The following STOX2 variants were observed in gnomAD, a reference collection of about 807,000 sequenced individuals.
STOX2 encodes the protein storkhead-box protein 2.
STOX2 carries 28 observed loss-of-function variants against 60.9 expected under a neutral mutation model. The observed-to-expected ratio is 0.46, with a 90% CI of 0.34 to 0.63. STOX2 has a LOEUF of 0.63. Among genes scored for constraint, STOX2 ranks in the 30% least tolerant of loss-of-function variants. The pLI, the probability that STOX2 is intolerant of heterozygous loss-of-function variation, is 0.01. For missense variants in STOX2, 1,024 were observed against 1,187.7 expected (o/e 0.86, Z 2.03); for synonymous variants, 472 against 463.9 (o/e 1.02, Z -0.22).
At chr4:183,872,491 TA>T (rs893795729) in intron 1 of STOX2, among the ~76,000 whole-genome samples, 10 of 151,670 alleles carry the variant, frequency 6.6e-5, no homozygotes, top group East Asian at 3.9e-4. Context: ...TTTATGTATT[TA>T]AAAAAAAATC....
intron 1 of STOX2, among the ~76,000 whole-genome samples, chr4:183,841,042 A>G (rs1231008137): frequency 6.6e-6 from 1 of 151,940 alleles, no homozygotes; most frequent in African/African-American, 2.4e-5. Flanking sequence ...TAATTTTTGT[A>G]TTTTTAGTAG....
chr4:183,885,798 C>T (rs944465702), intron 1 of STOX2, among the ~76,000 whole-genome samples: 14 of 152,206 alleles, frequency 9.2e-5, no homozygotes, highest in Admixed American at 7.2e-4. Flanking sequence ...GACCAATAGC[C>T]AAATTCCCAA....
At chr4:183,862,902 G>A (rs112603113) in intron 1 of STOX2, among the ~76,000 whole-genome samples, 1 of 152,132 alleles carries the variant, frequency 6.6e-6, no homozygotes, top group African/African-American at 2.4e-5. Flanking sequence ...TACAAGGAAG[G>A]CGTGGTTATT....
chr4:183,828,836 G>T (rs1275065438), intron 1 of STOX2, among the ~76,000 whole-genome samples: 4 of 152,156 alleles, frequency 2.6e-5, no homozygotes, highest in Non-Finnish European at 4.4e-5. Flanking sequence ...GCCTGATGGA[G>T]TTTTTTTCTG....
intron 1 of STOX2, among the ~76,000 whole-genome samples, chr4:183,887,974 G>C (rs916523738): frequency 1.3e-5 from 2 of 152,172 alleles, no homozygotes; most frequent in South Asian, 2.1e-4. Context: ...GGTTGGTCTC[G>C]AGCTCTTAGC....
Position 183,861,838 on chromosome 4 carries a change from C to T in STOX2, c.364+63783C>T, listed in dbSNP as rs185876440. 2.4e-4 allele frequency among the ~76,000 whole-genome samples: 37 copies of T among 152,178 alleles called. No individual in the cohort carries two copies. The East Asian group carries it at 6.9e-3, about 29-fold the overall frequency. On this transcript the variant is annotated intron_variant, in intron 1 of 2. Transcript: ENST00000513034. ...AACTATTTTAGTTTAAATTAGGACCCGGAAGAGCCCAAATATTAATTTACA... is the reference window on the plus strand; with the variant it reads ...AACTATTTTAGTTTAAATTAGGACCTGGAAGAGCCCAAATATTAATTTACA...
chr4:184,011,538 A>C lies in STOX2; in HGVS notation c.2585+115A>C, dbSNP rs1219286696. 4 of 1,555,828 alleles carry C rather than the reference A, an allele frequency of 2.6e-6. No individual in the cohort carries two copies. The highest frequency in any genetic ancestry group is 3.5e-6 in the Non-Finnish European group (4 of 1,151,588). ...CTCAGTTCTATGGATGAGGGTTAAGAGTTGTATGAGTTGTATTGTTAACAA... is the reference window on the plus strand; with the variant it reads ...CTCAGTTCTATGGATGAGGGTTAAGCGTTGTATGAGTTGTATTGTTAACAA... On this transcript the variant is annotated intron_variant, in intron 3 of 3. Coordinates refer to ENST00000308497, the MANE Select transcript of STOX2 (RefSeq NM_020225.3). The surrounding 1 kb of genome is among the most constrained non-coding windows in gnomAD (Gnocchi z 4.4).
chr4:183,806,879 C>T lies in STOX2; in HGVS notation c.364+8824C>T, dbSNP rs1248414521. Among the ~76,000 whole-genome samples, 1 of 152,204 alleles carries T rather than the reference C, an allele frequency of 6.6e-6. No homozygotes were observed. The highest frequency in any genetic ancestry group is 1.9e-4 in the East Asian group (1 of 5,200). ...GCAAGTGGTCTTCAGAGATTCCAGA[C>T]TCCCCCGCATGCACTGCCCCCACGG... On this transcript the variant is annotated intron_variant, in intron 1 of 2. Transcript: ENST00000513034. This position sits in a 1 kb window ranked among gnomAD's most constrained non-coding sequence, Gnocchi z 4.1.
intron 1 of STOX2, among the ~76,000 whole-genome samples, chr4:183,910,848 C>T (rs1462196840): frequency 1.3e-5 from 2 of 152,208 alleles, no homozygotes; most frequent in African/African-American, 4.8e-5. Flanking sequence ...ATGGCCAGCT[C>T]ATCACCTTGA....
chr4:184,004,461 T>A (rs7694352), intron 2 of STOX2, among the ~76,000 whole-genome samples: 117,824 of 151,694 alleles, frequency 0.78, 45,921 homozygotes, highest in Middle Eastern at 0.86. Context: ...TTAGCCGGGC[T>A]TGGTGGCGGG....
chr4:184,008,606 A>G (rs1733984026), intron 2 of STOX2, among the ~76,000 whole-genome samples: 1 of 152,240 alleles, frequency 6.6e-6, no homozygotes, highest in South Asian at 2.1e-4. Context: ...TACATCATAA[A>G]CAGTAGTCAA....
At chr4:184,002,130 T>C (rs970791225) in intron 2 of STOX2, among the ~76,000 whole-genome samples, 1 of 151,962 alleles carries the variant, frequency 6.6e-6, no homozygotes, top group African/African-American at 2.4e-5. Context: ...CCTGCCAGAG[T>C]TGCCAATCTC....
In STOX2 at chr4:184,011,526, A is replaced by G. The variant is rs1194038948; in HGVS notation, c.2585+103A>G. ...TGATTTCGTAGTCTCAGTTCTATGG[A>G]TGAGGGTTAAGAGTTGTATGAGTTG... On this transcript the variant is annotated intron_variant, in intron 3 of 3. Coordinates refer to ENST00000308497, the MANE Select transcript of STOX2 (RefSeq NM_020225.3). This position sits in a 1 kb window ranked among gnomAD's most constrained non-coding sequence, Gnocchi z 4.4. The G allele has an allele frequency of 5.7e-6, 9 of 1,572,612 alleles. No individual in the cohort carries two copies. The East Asian group carries it at 2.0e-4, about 36-fold the overall frequency.
chr4:183,943,042 C>T (rs1287453985), intron 1 of STOX2, among the ~76,000 whole-genome samples: 6 of 152,036 alleles, frequency 3.9e-5, no homozygotes, highest in Admixed American at 2.0e-4. Context: ...TTCAGAATGG[C>T]AATAGAAAAG....
At position 183,836,596 on chromosome 4, in the gene STOX2, A is replaced by T. The variant is rs1739713379; in HGVS notation, c.364+38541A>T. Among the ~76,000 whole-genome samples the T allele has an allele frequency of 6.6e-6, 1 of 152,192 alleles. No homozygotes were observed. Among genetic ancestry groups the T allele is most frequent in the Non-Finnish European group, 1.5e-5 (1 of 68,030 alleles). On this transcript the variant is annotated intron_variant, in intron 1 of 2. Transcript: ENST00000513034. This position sits in a 1 kb window ranked among gnomAD's most constrained non-coding sequence, Gnocchi z 4.1. ...CAGACCCCATCACATGGCCCCATAC[A>T]ATGGGAAGGGATCTGGGAAGTGCAG...
intron 1 of STOX2, among the ~76,000 whole-genome samples, chr4:183,951,969 A>C (rs1307861801): frequency 1.3e-5 from 2 of 151,936 alleles, no homozygotes; most frequent in Non-Finnish European, 2.9e-5. Context: ...AAAGTGGGTG[A>C]GCGACTCTCT....
chr4:183,913,085 G>T (rs1287974784), intron 1 of STOX2, among the ~76,000 whole-genome samples: 3 of 152,288 alleles, frequency 2.0e-5, no homozygotes, highest in Middle Eastern at 6.8e-3. Flanking sequence ...AGAAAAGGCT[G>T]CCTGGAGGGA....
At chr4:183,890,299 A>G (rs562931332) in intron 1 of STOX2, among the ~76,000 whole-genome samples, 2 of 152,192 alleles carry the variant, frequency 1.3e-5, no homozygotes, top group South Asian at 4.2e-4. Flanking sequence ...CCTGGCCAAC[A>G]TGGTGAAATC....
rs1346118261 is a variant in STOX2 at position 184,023,282 on chromosome 4, GATTTATAACAGCAC to G, written c.*6003_*6016del. 2 of 152,092 alleles carry G rather than the reference GATTTATAACAGCAC, an allele frequency of 1.3e-5. No homozygotes were observed. Among genetic ancestry groups the G allele is most frequent in the Non-Finnish European group, 2.9e-5 (2 of 68,010 alleles). 9.4% of individuals were successfully genotyped at this position (152,092 alleles called of 1,614,324 possible). On this transcript the variant is annotated 3_prime_UTR_variant, in exon 4 of 4. Transcript: ENST00000308497. ...ATGAAATGTCTTCCCTAATGTTACT[GATTTATAACAGCAC>G]ATTTGTAACATGGTTTTTATCGTGT...
Sources: allele counts gnomAD v4.1 joint callset (sites outside exome capture counted in the v4.1 genomes callset), GRCh38; gene constraint gnomAD v4.1.1; non-coding constraint Gnocchi (gnomAD v3.1); transcripts MANE v1.5; gene names NCBI Gene and HGNC (gene_info 2026-07-23, HGNC 2026-07-21).